The following PSMD12 variants were observed in gnomAD, a reference collection of about 807,000 sequenced individuals.
PSMD12 encodes proteasome 26S subunit, non-ATPase 12.
Under a neutral mutation model 62.9 loss-of-function variants are expected in PSMD12, and 8 were observed. The ratio of observed to expected loss-of-function variants is 0.13; its 90% confidence interval spans 0.07 to 0.23. PSMD12 has a LOEUF of 0.23. Ranked by LOEUF, PSMD12 falls within the 10% of genes least tolerant of loss-of-function variation. The pLI is 1.00. For missense variants in PSMD12, 424 were observed against 550.2 expected (o/e 0.77, Z 2.29); for synonymous variants, 173 against 187.4 (o/e 0.92, Z 0.63).
Position 67,340,734 on chromosome 17 carries a change from A to T in PSMD12, c.*109T>A. ...GAGTCTCAAACATATTCACTATTTT[A>T]AAATTTAAGACAAAGAAGCTTAGAA... On this transcript the variant is annotated 3_prime_UTR_variant, in exon 11 of 11. Transcript: ENST00000356126. 1 of 828,770 alleles carries T rather than the reference A, an allele frequency of 1.2e-6. No individual in the cohort carries two copies. Among genetic ancestry groups the T allele is most frequent in the Non-Finnish European group, 1.8e-6 (1 of 568,812 alleles). 51.3% of individuals were successfully genotyped at this position (828,770 alleles called of 1,614,324 possible).
chr17:67,362,087 TAAGAGGAA>T (rs2042136118), intron 1 of PSMD12, among the ~76,000 whole-genome samples: 1 of 152,040 alleles, frequency 6.6e-6, no homozygotes. Flanking sequence ...ACAAATGGGT[TAAGAGGAA>T]GGAGAATCAA....
intron 3 of PSMD12, 146 bp downstream of exon 3, chr17:67,357,157 T>G: frequency 3.7e-6 from 3 of 820,284 alleles, no homozygotes; most frequent in African/African-American, 1.7e-5. Flanking sequence ...CATATCATTG[T>G]GAGAATGTAG....
chr17:67,340,718 A>G lies in PSMD12; in HGVS notation c.*125T>C. 1.4e-6 allele frequency: 1 copy of G among 706,278 alleles called. No homozygotes were observed. The allele number at this position is 706,278 out of a possible 1,614,324, so 43.8% of individuals were successfully genotyped here. A position where few individuals can be genotyped will look rare whatever the true frequency, so the allele number is the denominator to read the frequency against. On this transcript the variant is annotated 3_prime_UTR_variant, in exon 11 of 11. Coordinates refer to ENST00000356126, the MANE Select transcript of PSMD12 (RefSeq NM_002816.5). Reference sequence around the variant, plus strand: ...ACTGAAAGGTCAAAGGGAGTCTCAAACATATTCACTATTTTAAAATTTAAG... The same window carrying G: ...ACTGAAAGGTCAAAGGGAGTCTCAAGCATATTCACTATTTTAAAATTTAAG...
chr17:67,345,982 G>C (rs1280728823), intron 7 of PSMD12, 125 bp from the exon 8 acceptor site: 1 of 821,160 alleles, frequency 1.2e-6, no homozygotes, highest in Admixed American at 2.6e-5. Context: ...GGGCGCAGTG[G>C]CTCACGTCTG....
intron 3 of PSMD12, chr17:67,357,088 A>G: frequency 2.0e-6 from 1 of 496,346 alleles, no homozygotes; most frequent in Non-Finnish European, 3.4e-6. Context: ...CTCTAAGTAC[A>G]ACACAATTTT....
At chr17:67,341,616 A>ACTG (rs1392945002) in intron 10 of PSMD12, among the ~76,000 whole-genome samples, 32 of 152,096 alleles carry the variant, frequency 2.1e-4, no homozygotes, top group Non-Finnish European at 4.1e-4. Flanking sequence ...CAAGCTCAAT[A>ACTG]CTGCTGGTAT....
intron 9 of PSMD12, among the ~76,000 whole-genome samples, chr17:67,342,814 T>C (rs1301344510): frequency 6.7e-6 from 1 of 149,476 alleles, no homozygotes; most frequent in African/African-American, 2.5e-5. Context: ...TGCATGCCTA[T>C]AGTCCTAGCT....
Position 67,344,788 on chromosome 17 carries a change from T to C in PSMD12, c.909-8A>G. 1 of 1,567,742 alleles carries C rather than the reference T, an allele frequency of 6.4e-7. No homozygotes were observed. The highest frequency in any genetic ancestry group is 8.7e-7 in the Non-Finnish European group (1 of 1,151,644). On this transcript the variant is annotated splice_polypyrimidine_tract_variant and splice_region_variant and intron_variant, in intron 8 of 10. Transcript: ENST00000356126. Reference sequence around the variant, plus strand: ...AAAAGCTTTAAAAGATCCCTGAAAATTGTATACATCTTAATATTCCAAATC... The same window carrying C: ...AAAAGCTTTAAAAGATCCCTGAAAACTGTATACATCTTAATATTCCAAATC...
chr17:67,345,924 C>G, intron 7 of PSMD12, 67 bp from the exon 8 acceptor site: 1 of 1,388,792 alleles, frequency 7.2e-7, no homozygotes, highest in East Asian at 2.3e-5. Flanking sequence ...AAAAACTGAA[C>G]AATCATGGAA....
chr17:67,339,856 C>T lies in PSMD12; in HGVS notation c.*987G>A, dbSNP rs1323494492. 2 of 151,942 alleles carry T rather than the reference C, an allele frequency of 1.3e-5. No individual in the cohort carries two copies. The highest frequency in any genetic ancestry group is 1.3e-4 in the Admixed American group (2 of 15,236). The allele number at this position is 151,942 out of a possible 1,614,324, so 9.4% of individuals were successfully genotyped here. A position where few individuals can be genotyped will look rare whatever the true frequency, so the allele number is the denominator to read the frequency against. On this transcript the variant is annotated 3_prime_UTR_variant, in exon 11 of 11. Coordinates refer to ENST00000356126, the MANE Select transcript of PSMD12 (RefSeq NM_002816.5). ...TTAATTCCGTGAAAATATTTTAATACTACACCACTTACTATGAGGGTGGCC... is the reference window on the plus strand; with the variant it reads ...TTAATTCCGTGAAAATATTTTAATATTACACCACTTACTATGAGGGTGGCC...
intron 1 of PSMD12, among the ~76,000 whole-genome samples, chr17:67,363,479 G>A (rs964381806): frequency 1.3e-5 from 2 of 152,086 alleles, no homozygotes; most frequent in Non-Finnish European, 2.9e-5. Context: ...AGGAAATTAA[G>A]GACAGAATTG....
In PSMD12 at chr17:67,340,790, A is replaced by G. The variant is rs1166397913; in HGVS notation, c.*53T>C. On this transcript the variant is annotated 3_prime_UTR_variant, in exon 11 of 11. Coordinates refer to ENST00000356126, the MANE Select transcript of PSMD12 (RefSeq NM_002816.5). ...ACCCCAACATATACACCATTATAACAGTCTTTTTTTAATGACTTCCAATTT... is the reference window on the plus strand; with the variant it reads ...ACCCCAACATATACACCATTATAACGGTCTTTTTTTAATGACTTCCAATTT... 3 of 1,397,954 alleles carry G rather than the reference A, an allele frequency of 2.1e-6. No individual in the cohort carries two copies. Among genetic ancestry groups the G allele is most frequent in the African/African-American group, 3.0e-5 (2 of 66,436 alleles). The allele number at this position is 1,397,954 out of a possible 1,614,324, so 86.6% of individuals were successfully genotyped here.
chr17:67,345,367 C>T (rs56699638), intron 8 of PSMD12, among the ~76,000 whole-genome samples: 4,314 of 152,290 alleles, frequency 0.028, 177 homozygotes, highest in African/African-American at 0.094. Context: ...TTAGGCCAGG[C>T]GCAGTGGCTC....
rs139972481 is a variant in PSMD12, at chr17:67,338,274, C to T, written c.*2569G>A. ...TCTTCTCCACATTTAAAACAAAGTG[C>T]TTCTTCTCCTGATTGCCAGCTTTAG... On this transcript the variant is annotated 3_prime_UTR_variant, in exon 11 of 11. Coordinates refer to ENST00000356126, the MANE Select transcript of PSMD12 (RefSeq NM_002816.5). The T allele has an allele frequency of 6.6e-6, 1 of 152,284 alleles. No individual in the cohort carries two copies. Among genetic ancestry groups the T allele is most frequent in the African/African-American group, 2.4e-5 (1 of 41,578 alleles). The allele number at this position is 152,284 out of a possible 1,614,324, so 9.4% of individuals were successfully genotyped here. A position where few individuals can be genotyped will look rare whatever the true frequency, so the allele number is the denominator to read the frequency against.
intron 1 of PSMD12, among the ~76,000 whole-genome samples, chr17:67,358,261 T>G (rs1352952789): frequency 6.6e-6 from 1 of 152,056 alleles, no homozygotes; most frequent in Admixed American, 6.6e-5. Flanking sequence ...GGTAGTCACA[T>G]GTGTCTTTAA....
rs2041885427 is a variant in PSMD12 at position 67,339,074 on chromosome 17, TGTTA to T, written c.*1765_*1768del. On this transcript the variant is annotated 3_prime_UTR_variant, in exon 11 of 11. Coordinates refer to ENST00000356126, the MANE Select transcript of PSMD12 (RefSeq NM_002816.5). ...TCAAAGGAAAATTAAAACCATACTC[TGTTA>T]GTGTGAACTTCTGTTTCTGAACTTT... The T allele has an allele frequency of 1.3e-5, 2 of 152,304 alleles. No homozygotes were observed. The highest frequency in any genetic ancestry group is 2.4e-5 in the African/African-American group (1 of 41,554). The allele number at this position is 152,304 out of a possible 1,614,324, so 9.4% of individuals were successfully genotyped here.
chr17:67,350,986 G>A (rs1276564141), intron 3 of PSMD12, among the ~76,000 whole-genome samples: 1 of 152,196 alleles, frequency 6.6e-6, no homozygotes, highest in Non-Finnish European at 1.5e-5. Flanking sequence ...GAGTGTGGCT[G>A]TGTCCCAATG....
At chr17:67,355,554 A>G (rs781419237) in intron 3 of PSMD12, 2 of 152,296 alleles carry the variant, frequency 1.3e-5, no homozygotes, top group African/African-American at 4.8e-5. Flanking sequence ...GTAACACTAT[A>G]TATCTATTTT....
At chr17:67,347,793 T>G (rs904188373) in intron 5 of PSMD12, among the ~76,000 whole-genome samples, 3 of 152,206 alleles carry the variant, frequency 2.0e-5, no homozygotes, top group Non-Finnish European at 4.4e-5. Context: ...AATCACACAC[T>G]TCCCCCACTC....
Sources: allele counts gnomAD v4.1 joint callset (sites outside exome capture counted in the v4.1 genomes callset), GRCh38; gene constraint gnomAD v4.1.1; transcripts MANE v1.5; gene names NCBI Gene and HGNC (gene_info 2026-07-23, HGNC 2026-07-21).